DUSP16: variants seen among roughly 807,000 people sequenced by gnomAD.
The protein encoded by DUSP16 is dual specificity phosphatase 16.
A neutral mutation model predicts 58.3 loss-of-function variants in DUSP16; 21 were observed. The observed-to-expected ratio is 0.36, with a 90% CI of 0.26 to 0.52. The LOEUF is 0.52. Among genes scored for constraint, DUSP16 ranks in the 20% least tolerant of loss-of-function variants. DUSP16 has a pLI of 0.94. For missense variants in DUSP16, 726 were observed against 819.0 expected (o/e 0.89, Z 1.39); for synonymous variants, 320 against 323.8 (o/e 0.99, Z 0.12).
intron 1 of DUSP16, among the ~76,000 whole-genome samples, chr12:12,550,171 G>C (rs1328506391): frequency 2.6e-5 from 4 of 151,966 alleles, no homozygotes; most frequent in Non-Finnish European, 5.9e-5. Context: ...TGCTTGGGAG[G>C]CTGAGGTGGG....
chr12:12,521,292 T>TG lies in DUSP16; in HGVS notation c.-195dup. 1 of 1,430,596 alleles carries TG rather than the reference T, an allele frequency of 7.0e-7. No homozygotes were observed. Among genetic ancestry groups the TG allele is most frequent in the Non-Finnish European group, 9.1e-7 (1 of 1,095,990 alleles). The allele number at this position is 1,430,596 out of a possible 1,614,324, so 88.6% of individuals were successfully genotyped here. The stretch of plus-strand genomic sequence containing the variant: ...GTGAATGTCTCTTTCTCTTTCCCGT[T>TG]GATGTGCTCTTGCAAAGGACTCCGT... On this transcript the variant is annotated 5_prime_UTR_variant, in exon 2 of 7. Coordinates refer to ENST00000298573, the MANE Select transcript of DUSP16 (RefSeq NM_030640.3).
intron 6 of DUSP16, among the ~76,000 whole-genome samples, chr12:12,478,775 AAG>A (rs1388440023): frequency 6.6e-6 from 1 of 152,198 alleles, no homozygotes; most frequent in African/African-American, 2.4e-5. Flanking sequence ...GTCACTTCTC[AAG>A]ACAGTTCACA....
chr12:12,551,718 A>G (rs1209874258), intron 1 of DUSP16, among the ~76,000 whole-genome samples: 2 of 148,406 alleles, frequency 1.3e-5, no homozygotes, highest in African/African-American at 2.5e-5. Context: ...TCCGAGATGG[A>G]ATATCGCTCT....
chr12:12,488,011 A>AGT (rs1943709546), intron 4 of DUSP16, among the ~76,000 whole-genome samples: 1 of 152,178 alleles, frequency 6.6e-6, no homozygotes, highest in Non-Finnish European at 1.5e-5. Flanking sequence ...AAAAGCCACC[A>AGT]GGAGCTCTTG....
At chr12:12,501,968 C>T (rs1257688637) in intron 3 of DUSP16, among the ~76,000 whole-genome samples, 2 of 151,988 alleles carry the variant, frequency 1.3e-5, no homozygotes, top group Non-Finnish European at 2.9e-5. Context: ...CCAGCCTGGG[C>T]AACAGAGCAA....
At chr12:12,532,921 C>T (rs888622683) in intron 1 of DUSP16, among the ~76,000 whole-genome samples, 1 of 146,004 alleles carries the variant, frequency 6.8e-6, no homozygotes, top group Non-Finnish European at 1.5e-5. Flanking sequence ...GCACTCCAGC[C>T]TGGGGGACGA....
At chr12:12,496,687 C>T (rs1334814187) in intron 4 of DUSP16, among the ~76,000 whole-genome samples, 1 of 152,194 alleles carries the variant, frequency 6.6e-6, no homozygotes, top group Non-Finnish European at 1.5e-5. Context: ...CAATCAAGAA[C>T]TTTTGTCTTT....
chr12:12,483,046 C>T (rs909699949), intron 5 of DUSP16, among the ~76,000 whole-genome samples: 1 of 152,168 alleles, frequency 6.6e-6, no homozygotes, highest in Admixed American at 6.5e-5. Context: ...TAAGAAGCCT[C>T]TTCAGGTTTC....
intron 5 of DUSP16, among the ~76,000 whole-genome samples, chr12:12,485,861 T>G (rs1362865616): frequency 6.9e-6 from 1 of 145,872 alleles, no homozygotes; most frequent in African/African-American, 2.6e-5. Flanking sequence ...TGGTGCAATC[T>G]TGGCTCACTG....
chr12:12,558,122 T>C (rs899077232), intron 1 of DUSP16, among the ~76,000 whole-genome samples: 1 of 152,256 alleles, frequency 6.6e-6, no homozygotes, highest in East Asian at 1.9e-4. Context: ...CATGGGCCAG[T>C]GTCCCCAACT....
chr12:12,484,129 GAAC>G (rs1943632110), intron 5 of DUSP16, among the ~76,000 whole-genome samples: 3 of 151,748 alleles, frequency 2.0e-5, no homozygotes, highest in East Asian at 1.9e-4. Flanking sequence ...TAAAAAGCAA[GAAC>G]AACAACAAAA....
intron 3 of DUSP16, among the ~76,000 whole-genome samples, chr12:12,509,353 A>G (rs1469493730): frequency 6.8e-6 from 1 of 147,098 alleles, no homozygotes; most frequent in Admixed American, 6.7e-5. Flanking sequence ...CTATAGCAGT[A>G]TGGTCCCAAA....
chr12:12,480,179 G>A (rs1197870778), intron 6 of DUSP16, 44 bp downstream of exon 6: 1 of 1,603,802 alleles, frequency 6.2e-7, no homozygotes, highest in African/African-American at 1.3e-5. Context: ...TATGTTTCAG[G>A]TCAAATGAAA....
intron 6 of DUSP16, among the ~76,000 whole-genome samples, 169 bp downstream of exon 6, chr12:12,480,054 C>CAGCA (rs1943534571): frequency 1.3e-5 from 2 of 152,196 alleles, no homozygotes; most frequent in African/African-American, 4.8e-5. Context: ...AATAGTAAAA[C>CAGCA]AGCATTCTTT....
At chr12:12,528,751 T>C (rs1008466794) in intron 1 of DUSP16, among the ~76,000 whole-genome samples, 2 of 152,172 alleles carry the variant, frequency 1.3e-5, no homozygotes, top group East Asian at 3.8e-4. Context: ...TTCTGGAGCT[T>C]CTAATTTAGT....
chr12:12,498,147 T>C (rs2136209535), intron 4 of DUSP16, among the ~76,000 whole-genome samples: 1 of 152,222 alleles, frequency 6.6e-6, no homozygotes, highest in African/African-American at 2.4e-5. Flanking sequence ...TTATTTCTCT[T>C]GGAAAGTATA....
At chr12:12,500,386 CCTGGGGA>C (rs1174317261) in intron 4 of DUSP16, 126 bp downstream of exon 4, 23 of 1,054,698 alleles carry the variant, frequency 2.2e-5, no homozygotes, top group Non-Finnish European at 3.1e-5. Flanking sequence ...GCAACTGTTA[CCTGGGGA>C]GCACACTGAG....
chr12:12,535,360 T>C (rs74691652), intron 1 of DUSP16, among the ~76,000 whole-genome samples: 1 of 152,246 alleles, frequency 6.6e-6, no homozygotes, highest in African/African-American at 2.4e-5. Flanking sequence ...AATTTTTTTT[T>C]ACAAAACATC....
Position 12,519,931 on chromosome 12 carries a change from A to G in DUSP16, c.298T>C (p.Ser100Pro), listed in dbSNP as rs1566019030. Residue 100 changes from serine to proline, a missense_variant, in exon 3 of 7, where the codon TCA becomes CCA. Ser to Pro is a moderately conservative substitution (Grantham distance 74). Coordinates refer to ENST00000298573, the MANE Select transcript of DUSP16 (RefSeq NM_030640.3). Reference sequence around the variant, plus strand: ...AGAAGTACAGTGAGAAAACAGTCTGAAGAGAGAGAGGCAACATCTTGGGAG... The same window carrying G: ...AGAAGTACAGTGAGAAAACAGTCTGGAGAGAGAGAGGCAACATCTTGGGAG... ...QSSQDVASLS[S>P]DCFLTVLLGK... 6.2e-7 allele frequency: 1 copy of G among 1,614,102 alleles called. No individual in the cohort carries two copies. Among genetic ancestry groups the G allele is most frequent in the Admixed American group, 1.7e-5 (1 of 60,024 alleles).
Sources: allele counts gnomAD v4.1 joint callset (sites outside exome capture counted in the v4.1 genomes callset), GRCh38; gene constraint gnomAD v4.1.1; transcripts MANE v1.5; gene names NCBI Gene and HGNC (gene_info 2026-07-23, HGNC 2026-07-21).